KCNH5: variants seen among roughly 807,000 people sequenced by gnomAD.
KCNH5 encodes the protein potassium voltage-gated channel subfamily H member 5, also known as voltage-gated delayed rectifier potassium channel KCNH5.
KCNH5 carries 46 observed loss-of-function variants against 96.1 expected under a neutral mutation model. That is an observed-to-expected ratio of 0.48 (90% CI 0.38 to 0.61). The LOEUF (loss-of-function observed/expected upper bound fraction) is 0.61, where lower values mean the gene tolerates loss of function less well. KCNH5 is among the 20% of genes least tolerant of loss of function. The probability of loss-of-function intolerance (pLI) is 0.00; values close to 1 mark genes in which losing one functional copy is unlikely to be tolerated. For synonymous variants in KCNH5, 439 were observed against 449.8 expected (o/e 0.98, Z 0.30); for missense variants, 907 against 1,225.8 (o/e 0.74, Z 3.88).
chr14:62,846,625 T>A (rs1008461600), intron 8 of KCNH5, among the ~76,000 whole-genome samples: 2 of 151,690 alleles, frequency 1.3e-5, no homozygotes, highest in African/African-American at 4.8e-5. Context: ...TTAAGTAGTA[T>A]GTCAATTCCA....
chr14:62,795,704 A>G (rs1177477317), intron 9 of KCNH5, among the ~76,000 whole-genome samples: 2 of 152,156 alleles, frequency 1.3e-5, no homozygotes, highest in African/African-American at 4.8e-5. Context: ...AAGAGATCCT[A>G]TCATAGATGA....
chr14:62,819,026 G>T (rs1023466701), intron 8 of KCNH5, among the ~76,000 whole-genome samples: 3 of 152,104 alleles, frequency 2.0e-5, no homozygotes. Context: ...GAGTGCAGTG[G>T]CACAATCTCA....
intron 2 of KCNH5, among the ~76,000 whole-genome samples, chr14:63,010,742 T>C (rs1891209119): frequency 6.6e-6 from 1 of 152,170 alleles, no homozygotes; most frequent in Non-Finnish European, 1.5e-5. Context: ...TATTCTTGGA[T>C]CCCTTGCTCT....
At chr14:62,953,606 A>T (rs1035870814) in intron 6 of KCNH5, among the ~76,000 whole-genome samples, 2 of 152,150 alleles carry the variant, frequency 1.3e-5, no homozygotes, top group African/African-American at 4.8e-5. Context: ...AGTCACTCAG[A>T]CCTGGGGCGA....
intron 4 of KCNH5, among the ~76,000 whole-genome samples, chr14:62,991,274 T>C (rs1165880601): frequency 1.3e-5 from 2 of 152,020 alleles, no homozygotes; most frequent in Admixed American, 6.6e-5. Flanking sequence ...GGTATTAGCA[T>C]AGCTTATATG....
At chr14:63,026,421 G>C (rs1891525387) in intron 1 of KCNH5, among the ~76,000 whole-genome samples, 1 of 151,982 alleles carries the variant, frequency 6.6e-6, no homozygotes, top group Non-Finnish European at 1.5e-5. Context: ...AGAGTGAAGA[G>C]ACAACCCATG....
At chr14:62,878,563 C>T (rs997857356) in intron 7 of KCNH5, among the ~76,000 whole-genome samples, 1 of 152,042 alleles carries the variant, frequency 6.6e-6, no homozygotes, top group African/African-American at 2.4e-5. Context: ...ATTCACAATA[C>T]ATGTGGTGTA....
At position 62,706,842 on chromosome 14, in the gene KCNH5, T is replaced by G. The variant is rs974430680; in HGVS notation, c.*666A>C. On this transcript the variant is annotated 3_prime_UTR_variant, in exon 11 of 11. Coordinates refer to ENST00000322893, the MANE Select transcript of KCNH5 (RefSeq NM_139318.5). ...AGGGATTTCCTTACATAAGAGCTAATGATTACTATCTAAGTATAATGTTAA... is the reference window on the plus strand; with the variant it reads ...AGGGATTTCCTTACATAAGAGCTAAGGATTACTATCTAAGTATAATGTTAA... 6.6e-6 allele frequency: 1 copy of G among 152,188 alleles called. No homozygotes were observed. Among genetic ancestry groups the G allele is most frequent in the African/African-American group, 2.4e-5 (1 of 41,454 alleles). The allele number at this position is 152,188 out of a possible 1,614,324, so 9.4% of individuals were successfully genotyped here.
intron 7 of KCNH5, among the ~76,000 whole-genome samples, chr14:62,903,978 T>TTTC (rs1888979855): frequency 2.0e-5 from 3 of 152,102 alleles, no homozygotes; most frequent in Admixed American, 1.3e-4. Context: ...AAATATCATT[T>TTTC]TTACATATTT....
chr14:62,966,313 A>C (rs776000430), intron 6 of KCNH5, among the ~76,000 whole-genome samples: 5 of 152,210 alleles, frequency 3.3e-5, no homozygotes, highest in Non-Finnish European at 7.4e-5. Context: ...AATAGAAATC[A>C]CTGCTCATCA....
chr14:62,795,838 C>G (rs1410463285), intron 9 of KCNH5, among the ~76,000 whole-genome samples: 1 of 151,960 alleles, frequency 6.6e-6, no homozygotes, highest in Non-Finnish European at 1.5e-5. Flanking sequence ...AAGCACAGAA[C>G]AGAGGCATCT....
rs889841113 is a variant in KCNH5 at position 62,715,708 on chromosome 14, T to C, written c.2020-7253A>G. ...CTCTCCGAGGGCACAAAATGTGTTA[T>C]AGATCTAGTCCAGTCTCTTAGGTCC... is the stretch of plus-strand genomic sequence containing the variant. On this transcript the variant is annotated intron_variant, in intron 10 of 10. Coordinates refer to ENST00000322893, the MANE Select transcript of KCNH5 (RefSeq NM_139318.5). Among the ~76,000 whole-genome samples, 4 of 152,128 alleles carry C rather than the reference T, an allele frequency of 2.6e-5. 1 individual carries two copies. The highest frequency in any genetic ancestry group is 1.5e-5 in the Non-Finnish European group (1 of 68,028).
intron 1 of KCNH5, among the ~76,000 whole-genome samples, 186 bp from the exon 2 acceptor site, chr14:63,017,140 A>G (rs1891341647): frequency 6.6e-6 from 1 of 152,068 alleles, no homozygotes; most frequent in South Asian, 2.1e-4. Flanking sequence ...ACCTGCAATA[A>G]ATATCGAATT....
intron 8 of KCNH5, among the ~76,000 whole-genome samples, chr14:62,825,588 T>C (rs896819016): frequency 6.6e-6 from 1 of 152,090 alleles, no homozygotes; most frequent in Non-Finnish European, 1.5e-5. Flanking sequence ...ACAGGCAAAC[T>C]AAGACAGGAC....
chr14:62,722,538 G>T (rs1884837458), intron 10 of KCNH5, among the ~76,000 whole-genome samples: 1 of 152,166 alleles, frequency 6.6e-6, no homozygotes, highest in Non-Finnish European at 1.5e-5. Context: ...CTAAATTTTT[G>T]TAACTGGCCT....
chr14:62,960,465 TTC>T (rs1475917683), intron 6 of KCNH5, among the ~76,000 whole-genome samples: 4 of 152,162 alleles, frequency 2.6e-5, no homozygotes, highest in African/African-American at 9.7e-5. Context: ...TCATAATAAT[TTC>T]TGATTCCTCC....
chr14:62,928,532 C>T (rs1355419220), intron 7 of KCNH5, among the ~76,000 whole-genome samples: 1 of 151,998 alleles, frequency 6.6e-6, no homozygotes, highest in Non-Finnish European at 1.5e-5. Context: ...CTATAAGATA[C>T]GTAATAATAT....
chr14:62,910,145 TAC>T (rs111386925), intron 7 of KCNH5, among the ~76,000 whole-genome samples: 7,480 of 143,370 alleles, frequency 0.052, 509 homozygotes, highest in African/African-American at 0.16. Context: ...ACTAACATGT[TAC>T]ACACACACAC....
At chr14:63,028,247 A>G (rs745431359) in intron 1 of KCNH5, among the ~76,000 whole-genome samples, 2 of 152,114 alleles carry the variant, frequency 1.3e-5, no homozygotes, top group Non-Finnish European at 2.9e-5. Flanking sequence ...CAACAGCTCT[A>G]CAATGGGAAC....
Sources: gnomAD v4.1 joint callset for allele counts (sites outside exome capture counted in the v4.1 genomes callset) on GRCh38, gnomAD v4.1.1 for gene constraint, MANE v1.5 for transcripts, NCBI Gene and HGNC (gene_info 2026-07-23, HGNC 2026-07-21) for gene names.